The following DNAH9 variants were observed in gnomAD, a reference collection of about 807,000 sequenced individuals.
DNAH9 encodes the protein dynein axonemal heavy chain 9, also known as DNAH9 variant protein.
In DNAH9, 345 loss-of-function variants were observed where a neutral mutation model predicts 471.6. The observed-to-expected ratio is 0.73, with a 90% CI of 0.67 to 0.80. The LOEUF is 0.80. Ranked by LOEUF, DNAH9 falls within the 30% of genes least tolerant of loss-of-function variation. The pLI is 0.00. For missense variants in DNAH9, 5,407 were observed against 5,609.2 expected (o/e 0.96, Z 1.15); for synonymous variants, 2,093 against 2,123.6 (o/e 0.99, Z 0.40).
intron 59 of DNAH9, among the ~76,000 whole-genome samples, chr17:11,895,262 G>A (rs1261195378): frequency 6.6e-6 from 1 of 152,182 alleles, no homozygotes; most frequent in Non-Finnish European, 1.5e-5. Context: ...TGCTGGGTGA[G>A]GCAACACCAG....
intron 14 of DNAH9, among the ~76,000 whole-genome samples, chr17:11,654,374 A>AAAAAAAAAAAG (rs1353333314): frequency 1.7e-5 from 1 of 57,760 alleles, no homozygotes; most frequent in African/African-American, 5.8e-5. Context: ...AAAAAAAAAA[A>AAAAAAAAAAAG]AAAAGTTTAA....
intron 38 of DNAH9, among the ~76,000 whole-genome samples, chr17:11,774,532 G>C (rs1334884666): frequency 1.3e-5 from 2 of 152,038 alleles, no homozygotes; most frequent in African/African-American, 4.8e-5. Flanking sequence ...GTGTGTGGGG[G>C]AACTGCCATT....
At chr17:11,774,671 G>T (rs1387188041) in intron 38 of DNAH9, among the ~76,000 whole-genome samples, 1 of 152,118 alleles carries the variant, frequency 6.6e-6, no homozygotes, top group East Asian at 1.9e-4. Context: ...AATTCAAGAT[G>T]AGATTAGGGT....
intron 19 of DNAH9, among the ~76,000 whole-genome samples, chr17:11,688,117 T>C (rs2074272145): frequency 7.5e-6 from 1 of 133,778 alleles, no homozygotes. Flanking sequence ...GCCATCTGCC[T>C]ACATGGGTTC....
intron 20 of DNAH9, among the ~76,000 whole-genome samples, chr17:11,693,403 A>G (rs1390344353): frequency 2.0e-5 from 3 of 150,860 alleles, no homozygotes; most frequent in South Asian, 2.1e-4. Context: ...ACAGGCCTGC[A>G]CCACCAAGCC....
chr17:11,674,562 T>A (rs896219123), intron 17 of DNAH9, among the ~76,000 whole-genome samples: 2 of 152,200 alleles, frequency 1.3e-5, no homozygotes, highest in African/African-American at 4.8e-5. Context: ...GAAATTATGA[T>A]TAGGAATTAC....
rs1971616333 is a variant in DNAH9, at chr17:11,856,110, G to A, written c.9933+1682G>A. Among the ~76,000 whole-genome samples, 10 of 152,248 alleles carry A rather than the reference G, an allele frequency of 6.6e-5. No individual in the cohort carries two copies. In the South Asian group the frequency reaches 2.1e-3, roughly 32 times the overall value. ...CTGCTCAACTGCTACTGCCCCATTT[G>A]ACAGCATGTGCCATCTACCACATGC... On this transcript the variant is annotated intron_variant, in intron 50 of 68. Coordinates refer to ENST00000262442, the MANE Select transcript of DNAH9 (RefSeq NM_001372.4).
intron 52 of DNAH9, among the ~76,000 whole-genome samples, chr17:11,872,691 C>T (rs1036085192): frequency 2.5e-4 from 38 of 152,088 alleles, no homozygotes; most frequent in East Asian, 7.7e-4. Flanking sequence ...GAGGTTGAGG[C>T]GGGCGGATCA....
At chr17:11,743,880 A>G (rs1414195028) in intron 30 of DNAH9, among the ~76,000 whole-genome samples, 4 of 147,700 alleles carry the variant, frequency 2.7e-5, no homozygotes, top group Non-Finnish European at 5.9e-5. Flanking sequence ...CCCAGGGTGG[A>G]GTGCAGTGGC....
chr17:11,763,517 C>A lies in DNAH9; in HGVS notation c.7073C>A (p.Thr2358Lys). 1.2e-6 allele frequency: 2 copies of A among 1,613,924 alleles called. No individual in the cohort carries two copies. Among genetic ancestry groups the A allele is most frequent in the Non-Finnish European group, 1.7e-6 (2 of 1,179,852 alleles). Residue 2358 changes from threonine (T) to lysine (K), a missense_variant, in exon 36 of 69, where the codon ACG (threonine) becomes AAG (lysine). Coordinates refer to ENST00000262442, the MANE Select transcript of DNAH9 (RefSeq NM_001372.4). The part of the protein sequence containing the change: ...VCHLLECLLT[T>K]EDIPADCPKE... ...CACCTTCTGGAATGTCTCCTGACCA[C>A]GGAGGACATCCCTGCAGACTGCCCT...
chr17:11,697,714 G>C (rs567524665), intron 22 of DNAH9, among the ~76,000 whole-genome samples: 2 of 151,666 alleles, frequency 1.3e-5, no homozygotes, highest in Non-Finnish European at 2.9e-5. Flanking sequence ...CTCTTTCATC[G>C]TATTTTTATC....
At chr17:11,856,413 C>T (rs530390314) in intron 50 of DNAH9, among the ~76,000 whole-genome samples, 28 of 152,068 alleles carry the variant, frequency 1.8e-4, no homozygotes, top group African/African-American at 6.5e-4. Flanking sequence ...TAAAAAGATA[C>T]TTTGGGCCGG....
intron 43 of DNAH9, 79 bp from the exon 44 acceptor site, chr17:11,807,653 T>C (rs1428386968): frequency 2.0e-6 from 3 of 1,476,970 alleles, no homozygotes; most frequent in Admixed American, 1.9e-5. Flanking sequence ...AGGCCCCTGC[T>C]CCCACTCAAG....
At chr17:11,898,464 C>G (rs1238464905) in intron 59 of DNAH9, among the ~76,000 whole-genome samples, 2 of 152,136 alleles carry the variant, frequency 1.3e-5, no homozygotes, top group Non-Finnish European at 2.9e-5. Flanking sequence ...AGATTAGGGT[C>G]CACACTAGTG....
intron 67 of DNAH9, among the ~76,000 whole-genome samples, chr17:11,944,419 G>C (rs1975045103): frequency 6.6e-6 from 1 of 152,134 alleles, no homozygotes; most frequent in Non-Finnish European, 1.5e-5. Context: ...GGAAGGGTAG[G>C]GTTGTGACAG....
In DNAH9 at chr17:11,722,600, C is replaced by T. The variant is rs1012899049; in HGVS notation, c.5709+3110C>T. Among the ~76,000 whole-genome samples, 4 of 152,114 alleles carry T rather than the reference C, an allele frequency of 2.6e-5. No homozygotes were observed. The East Asian group carries it at 5.8e-4, about 22-fold the overall frequency. Reference sequence around the variant, plus strand: ...GAGGAGAGTCTAGGCTGTGGTCAAGCGCCCTTGCTATCCCCTCTGCCTTAG... The same window carrying T: ...GAGGAGAGTCTAGGCTGTGGTCAAGTGCCCTTGCTATCCCCTCTGCCTTAG... On this transcript the variant is annotated intron_variant, in intron 27 of 68. Coordinates refer to ENST00000262442, the MANE Select transcript of DNAH9 (RefSeq NM_001372.4).
chr17:11,914,199 T>G (rs1973871017), intron 61 of DNAH9, among the ~76,000 whole-genome samples: 1 of 152,216 alleles, frequency 6.6e-6, no homozygotes. Context: ...TAGGTGATGA[T>G]AATTTTTGTA....
At chr17:11,951,453 G>C (rs1370202744) in intron 67 of DNAH9, among the ~76,000 whole-genome samples, 3 of 152,100 alleles carry the variant, frequency 2.0e-5, no homozygotes, top group Non-Finnish European at 4.4e-5. Context: ...GGCCCAAGTG[G>C]GTGGATCACT....
intron 53 of DNAH9, among the ~76,000 whole-genome samples, chr17:11,876,409 A>T (rs1972484693): frequency 6.6e-6 from 1 of 152,206 alleles, no homozygotes; most frequent in Non-Finnish European, 1.5e-5. Context: ...CCATGTACCC[A>T]TAAAAATTAA....
Sources: gnomAD v4.1 joint callset for allele counts (sites outside exome capture counted in the v4.1 genomes callset) on GRCh38, gnomAD v4.1.1 for gene constraint, MANE v1.5 for transcripts, NCBI Gene and HGNC (gene_info 2026-07-23, HGNC 2026-07-21) for gene names.